WFDC1: variants seen among roughly 807,000 people sequenced by gnomAD.
The protein encoded by WFDC1 is WAP four-disulfide core domain protein 1.
In WFDC1, 39 loss-of-function variants were observed where a neutral mutation model predicts 32.9. The ratio of observed to expected loss-of-function variants is 1.19; its 90% CI spans 0.92 to 1.55. The LOEUF is 1.55. Ranked by LOEUF, WFDC1 falls within the 40% of genes most tolerant of loss-of-function variation. The pLI is 0.00. For missense variants in WFDC1, 386 were observed against 309.5 expected (o/e 1.25, Z -1.85); for synonymous variants, 184 against 137.4 (o/e 1.34, Z -2.37).
At chr16:84,310,593 G>A (rs1276822144) in intron 1 of WFDC1, among the ~76,000 whole-genome samples, 2 of 152,100 alleles carry the variant, frequency 1.3e-5, no homozygotes, top group Non-Finnish European at 2.9e-5. Context: ...CTCTCCAAAG[G>A]CACCTTTCCT....
At chr16:84,314,523 A>G (rs1486137109) in intron 2 of WFDC1, among the ~76,000 whole-genome samples, 3 of 152,114 alleles carry the variant, frequency 2.0e-5, no homozygotes, top group Non-Finnish European at 4.4e-5. Flanking sequence ...CCCAAGGCTG[A>G]GAGGAGAGTC....
At chr16:84,313,287 C>T (rs937960184) in intron 2 of WFDC1, 134 bp downstream of exon 2, 1 of 773,208 alleles carries the variant, frequency 1.3e-6, no homozygotes, top group African/African-American at 1.8e-5. Context: ...CACTGCGCAC[C>T]TGTGAACTGG....
rs914092274 is a variant in WFDC1 at position 84,298,489 on chromosome 16, C to T, written c.144+3374C>T. Among the ~76,000 whole-genome samples, 8 of 152,128 alleles carry T rather than the reference C, an allele frequency of 5.3e-5. No individual in the cohort carries two copies. In the East Asian group the frequency reaches 5.8e-4, roughly 11 times the overall value. ...CCTGGGGTTTTATGTCTTTTGCATCCGTGTGGTATGACCAGGAGAGAAGCT... is the reference window on the plus strand; with the variant it reads ...CCTGGGGTTTTATGTCTTTTGCATCTGTGTGGTATGACCAGGAGAGAAGCT... On this transcript the variant is annotated intron_variant, in intron 1 of 6. Transcript: ENST00000219454.
chr16:84,300,603 G>T (rs953003433), intron 1 of WFDC1, among the ~76,000 whole-genome samples: 1 of 152,236 alleles, frequency 6.6e-6, no homozygotes, highest in African/African-American at 2.4e-5. Context: ...CATTACAGGT[G>T]TAATTAGTCA....
chr16:84,300,956 C>T (rs1906897917), intron 1 of WFDC1, among the ~76,000 whole-genome samples: 1 of 147,994 alleles, frequency 6.8e-6, no homozygotes, highest in Non-Finnish European at 1.5e-5. Context: ...GCCTGGGCGA[C>T]AGAGTGAGAC....
chr16:84,299,742 C>T (rs1906823515), intron 1 of WFDC1, among the ~76,000 whole-genome samples: 1 of 152,214 alleles, frequency 6.6e-6, no homozygotes, highest in African/African-American at 2.4e-5. Context: ...GTCTGTTTTC[C>T]CCTCTAAGCA....
chr16:84,310,993 G>A (rs1186283803), intron 1 of WFDC1, among the ~76,000 whole-genome samples: 3 of 152,168 alleles, frequency 2.0e-5, no homozygotes, highest in Non-Finnish European at 2.9e-5. Flanking sequence ...AGGAGGCAGC[G>A]CAAGCCAGGG....
At chr16:84,308,195 C>A (rs573801061) in intron 1 of WFDC1, among the ~76,000 whole-genome samples, 1 of 152,160 alleles carries the variant, frequency 6.6e-6, no homozygotes, top group Non-Finnish European at 1.5e-5. Flanking sequence ...CTCTCTGCCC[C>A]TCATGCCCTC....
chr16:84,319,660 C>T lies in WFDC1; in HGVS notation c.562+89C>T, dbSNP rs964918390. On this transcript the variant is annotated intron_variant, in intron 4 of 6. Transcript: ENST00000219454. Reference sequence around the variant, plus strand: ...CTCTCACCCGCATGGACGACCTGCCCCAGGAAGCAGCCCCAGCACCTGGGC... The same window carrying T: ...CTCTCACCCGCATGGACGACCTGCCTCAGGAAGCAGCCCCAGCACCTGGGC... 1.2e-5 allele frequency: 19 copies of T among 1,523,528 alleles called. No homozygotes were observed. The African/African-American group carries it at 2.3e-4, about 19-fold the overall frequency. The allele number at this position is 1,523,528 out of a possible 1,614,324, so 94.4% of individuals were successfully genotyped here. A position where few individuals can be genotyped will look rare whatever the true frequency, so the allele number is the denominator to read the frequency against.
intron 1 of WFDC1, among the ~76,000 whole-genome samples, chr16:84,304,287 T>C (rs1260996716): frequency 6.6e-6 from 1 of 152,052 alleles, no homozygotes; most frequent in Non-Finnish European, 1.5e-5. Flanking sequence ...TGGATTGCAG[T>C]GGTGCCGTCT....
intron 1 of WFDC1, among the ~76,000 whole-genome samples, chr16:84,303,252 C>G (rs1317002641): frequency 6.6e-6 from 1 of 152,080 alleles, no homozygotes; most frequent in Admixed American, 6.6e-5. Flanking sequence ...TCTTCCTCCA[C>G]CACGCAAACC....
chr16:84,298,262 C>T (rs1313366801), intron 1 of WFDC1, among the ~76,000 whole-genome samples: 1 of 151,972 alleles, frequency 6.6e-6, no homozygotes, highest in African/African-American at 2.4e-5. Flanking sequence ...CATGTACCAC[C>T]ACGCCTGGCT....
At chr16:84,299,372 CA>C (rs1465729473) in intron 1 of WFDC1, among the ~76,000 whole-genome samples, 1 of 145,742 alleles carries the variant, frequency 6.9e-6, no homozygotes, top group South Asian at 2.2e-4. Flanking sequence ...TCTCAAAAAA[CA>C]AAAAACAAAA....
In WFDC1 at chr16:84,327,583, A is replaced by G. The variant is rs531438017; in HGVS notation, c.*15+628A>G. ...ATTTTGCTTAAAGTTGCAGTTTCCA[A>G]TAAGCTATCCATGATGTTAAATGAG... On this transcript the variant is annotated intron_variant, in intron 6 of 6. Coordinates refer to ENST00000219454, the MANE Select transcript of WFDC1 (RefSeq NM_021197.4). 2.6e-5 allele frequency: 4 copies of G among 152,418 alleles called. No homozygotes were observed. The South Asian group carries it at 6.2e-4, about 24-fold the overall frequency. 9.4% of individuals were successfully genotyped at this position (152,418 alleles called of 1,614,324 possible).
intron 5 of WFDC1, among the ~76,000 whole-genome samples, chr16:84,325,157 T>C (rs1297941762): frequency 1.3e-5 from 2 of 151,682 alleles, no homozygotes; most frequent in Non-Finnish European, 2.9e-5. Context: ...TATCCATCCA[T>C]CCATTCATAC....
chr16:84,298,918 T>C (rs755601287), intron 1 of WFDC1, among the ~76,000 whole-genome samples: 18 of 152,244 alleles, frequency 1.2e-4, no homozygotes, highest in Non-Finnish European at 1.8e-4. Flanking sequence ...TTCTCCTATC[T>C]GAGCCTCGGT....
At chr16:84,304,443 G>T (rs984733764) in intron 1 of WFDC1, among the ~76,000 whole-genome samples, 2 of 152,154 alleles carry the variant, frequency 1.3e-5, no homozygotes, top group Non-Finnish European at 2.9e-5. Context: ...GGCCAGGCTG[G>T]TCTCGAACTC....
At chr16:84,298,380 C>T (rs1292742003) in intron 1 of WFDC1, among the ~76,000 whole-genome samples, 3 of 152,176 alleles carry the variant, frequency 2.0e-5, no homozygotes, top group Non-Finnish European at 4.4e-5. Flanking sequence ...TAGGTGTGAG[C>T]CACCGCACCC....
intron 3 of WFDC1, chr16:84,319,013 ATGTGTGTGCAGGATT>A: frequency 4.6e-6 from 1 of 218,564 alleles, no homozygotes. Flanking sequence ...GGGTGTGGAT[ATGTGTGTGCAGGATT>A]TGTGTGTGGG....
Sources: gnomAD v4.1 joint callset for allele counts (sites outside exome capture counted in the v4.1 genomes callset) on GRCh38, gnomAD v4.1.1 for gene constraint, MANE v1.5 for transcripts, NCBI Gene and HGNC (gene_info 2026-07-23, HGNC 2026-07-21) for gene names.